NREP: variants seen among roughly 807,000 people sequenced by gnomAD.
NREP encodes the protein neuronal regeneration-related protein.
Under a neutral mutation model 8.6 loss-of-function variants are expected in NREP, and 5 were observed. That is an observed-to-expected ratio of 0.58 (90% CI 0.30 to 1.22). The LOEUF is 1.22. Among genes scored for constraint, NREP ranks in the 50% most tolerant of loss-of-function variants. NREP has a pLI of 0.07. For synonymous variants in NREP, 27 were observed against 28.0 expected, an observed-to-expected ratio of 0.96 and a Z score of 0.11; for missense variants, 86 against 82.5, an observed-to-expected ratio of 1.04 and a Z score of -0.17.
At chr5:111,882,570 C>T (rs1354452779) in intron 2 of NREP, among the ~76,000 whole-genome samples, 2 of 152,150 alleles carry the variant, frequency 1.3e-5, no homozygotes, top group Non-Finnish European at 2.9e-5. Flanking sequence ...ATGTTAAGGG[C>T]AGCCAGAGAG....
chr5:111,877,534 G>A (rs1212274192), intron 2 of NREP, among the ~76,000 whole-genome samples: 2 of 152,170 alleles, frequency 1.3e-5, no homozygotes, highest in East Asian at 3.9e-4. Context: ...GGTTGTGTTA[G>A]TTAATCTGCT....
intron 2 of NREP, among the ~76,000 whole-genome samples, chr5:111,809,541 T>C (rs1752221206): frequency 6.6e-6 from 1 of 152,124 alleles, no homozygotes; most frequent in Non-Finnish European, 1.5e-5. Flanking sequence ...CTGGATTAGT[T>C]CTTGTGAGAA....
At position 111,976,682 on chromosome 5, in the gene NREP, C is replaced by T. The variant is rs943354697; in HGVS notation, c.30+28G>A. 3 of 1,537,658 alleles carry T rather than the reference C, an allele frequency of 2.0e-6. No homozygotes were observed. In the African/African-American group the frequency reaches 4.1e-5, roughly 21 times the overall value. ...TCCTTTAAAAATGTCCCCTCATATG[C>T]ATACACAGTAAGTTATTCTTCACAT... is the stretch of plus-strand genomic sequence containing the variant. On this transcript the variant is annotated intron_variant, in intron 1 of 3. Transcript: ENST00000395634.
chr5:111,757,888 C>T (rs1750836791), upstream of NREP: 11 of 984,354 alleles, frequency 1.1e-5, no homozygotes, highest in Middle Eastern at 5.2e-4. Flanking sequence ...CTGCACAGCC[C>T]GGCGGCCCGC....
rs1247249083 is a variant in NREP at position 111,877,562 on chromosome 5, G to A, written c.135+97712C>T. Among the ~76,000 whole-genome samples, 3 of 152,196 alleles carry A rather than the reference G, an allele frequency of 2.0e-5. No individual in the cohort carries two copies. The East Asian group carries it at 5.8e-4, about 29-fold the overall frequency. Reference sequence around the variant, plus strand: ...AATCTGCTTTTGTAACCATGTGACAGAAACCAGCATGAACTGGGCAAATGG... The same window carrying A: ...AATCTGCTTTTGTAACCATGTGACAAAAACCAGCATGAACTGGGCAAATGG... On this transcript the variant is annotated intron_variant, in intron 2 of 3. Transcript: ENST00000395634.
At chr5:111,759,224 G>T (rs1446902158), upstream of NREP, among the ~76,000 whole-genome samples, 2 of 152,086 alleles carry the variant, frequency 1.3e-5, no homozygotes, top group Admixed American at 6.5e-5. Flanking sequence ...TCAGGGTCAG[G>T]CTGGGAAAGG....
chr5:111,732,544 C>T (rs1748686279), intron 3 of NREP: 1 of 151,660 alleles, frequency 6.6e-6, no homozygotes, highest in Admixed American at 6.6e-5. Context: ...ATATAATTCA[C>T]CACTCACACA....
chr5:111,755,571 C>A lies in NREP; in HGVS notation c.3+199G>T, dbSNP rs917779464. 1.4e-5 allele frequency: 9 copies of A among 624,032 alleles called. No homozygotes were observed. In the African/African-American group the frequency reaches 1.4e-4, roughly 10 times the overall value. 38.7% of individuals were successfully genotyped at this position (624,032 alleles called of 1,614,324 possible). A position where few individuals can be genotyped will look rare whatever the true frequency, so the allele number is the denominator to read the frequency against. On this transcript the variant is annotated intron_variant, in intron 2 of 3. Transcript: ENST00000257435. ...TTTTCTATTCAAAATAATTGCAAGT[C>A]AAAGAACTAATTTGCCACATCCAAT...
chr5:111,909,686 C>T (rs1309470528), intron 2 of NREP, among the ~76,000 whole-genome samples: 1 of 151,988 alleles, frequency 6.6e-6, no homozygotes, highest in Admixed American at 6.6e-5. Flanking sequence ...TCCATTTATC[C>T]TTTCATAATG....
intron 2 of NREP, among the ~76,000 whole-genome samples, chr5:111,806,234 G>A (rs943055506): frequency 6.6e-6 from 1 of 152,062 alleles, no homozygotes; most frequent in African/African-American, 2.4e-5. Flanking sequence ...TTGCCCCCTT[G>A]GGTCAAAGAA....
At chr5:111,876,681 AAC>A (rs1288014870) in intron 2 of NREP, among the ~76,000 whole-genome samples, 3 of 152,256 alleles carry the variant, frequency 2.0e-5, no homozygotes, top group Admixed American at 2.0e-4. Flanking sequence ...CACAAAGCAC[AAC>A]ACAGACTCTC....
At chr5:111,817,527 T>C (rs1752410876) in intron 2 of NREP, among the ~76,000 whole-genome samples, 1 of 152,080 alleles carries the variant, frequency 6.6e-6, no homozygotes, top group Non-Finnish European at 1.5e-5. Context: ...TATTAGAGGC[T>C]TGGCATGGTG....
chr5:111,739,783 G>T (rs1012229568), intron 2 of NREP: 1 of 151,954 alleles, frequency 6.6e-6, no homozygotes, highest in African/African-American at 2.4e-5. Context: ...AGCGTTCTGG[G>T]TATGGGAATA....
At chr5:111,860,910 A>G (rs1349962820) in intron 2 of NREP, among the ~76,000 whole-genome samples, 1 of 152,170 alleles carries the variant, frequency 6.6e-6, no homozygotes, top group African/African-American at 2.4e-5. Context: ...TTCAACAATG[A>G]TTGCTCTGGA....
chr5:111,734,255 C>G (rs565502886), intron 3 of NREP: 2 of 154,082 alleles, frequency 1.3e-5, no homozygotes, highest in African/African-American at 4.8e-5. Flanking sequence ...CCTCAGCTGC[C>G]TTAAGAGAAT....
At chr5:111,835,578 G>C (rs769192765) in intron 2 of NREP, among the ~76,000 whole-genome samples, 23 of 151,972 alleles carry the variant, frequency 1.5e-4, no homozygotes, top group Non-Finnish European at 2.6e-4. Flanking sequence ...GGATATTCAA[G>C]CAAAAGAAAG....
chr5:111,882,201 G>T (rs981822513), intron 2 of NREP, among the ~76,000 whole-genome samples: 1 of 152,184 alleles, frequency 6.6e-6, no homozygotes. Flanking sequence ...CTCAGGAGCC[G>T]ATGTGATCAA....
intron 1 of NREP, among the ~76,000 whole-genome samples, chr5:111,756,732 G>GTA (rs1750737559): frequency 6.6e-6 from 1 of 152,150 alleles, no homozygotes; most frequent in Admixed American, 6.5e-5. Flanking sequence ...CAAGTGTAAG[G>GTA]GCGGAGGGAC....
chr5:111,839,223 C>G (rs1486243816), intron 2 of NREP, among the ~76,000 whole-genome samples: 5 of 151,970 alleles, frequency 3.3e-5, no homozygotes, highest in African/African-American at 1.2e-4. Flanking sequence ...CAGGATAAAT[C>G]GGCTTAAAAA....
Sources: allele counts gnomAD v4.1 joint callset (sites outside exome capture counted in the v4.1 genomes callset), GRCh38; gene constraint gnomAD v4.1.1; transcripts MANE v1.5; gene names NCBI Gene and HGNC (gene_info 2026-07-23, HGNC 2026-07-21).